Variants in ZNRF2 observed in about 807,000 individuals in gnomAD.
The protein encoded by ZNRF2 is zinc and ring finger 2.
ZNRF2 carries 16 observed loss-of-function variants against 20.4 expected under a neutral mutation model. That is an observed-to-expected ratio of 0.79 (90% CI 0.53 to 1.19). The LOEUF is 1.19. Ranked by LOEUF, ZNRF2 falls within the 50% of genes most tolerant of loss-of-function variation. The probability of loss-of-function intolerance (pLI) is 0.00; values close to 1 mark genes in which losing one functional copy is unlikely to be tolerated. For missense variants in ZNRF2, 363 were observed against 332.4 expected (o/e 1.09, Z -0.72); for synonymous variants, 178 against 144.9 (o/e 1.23, Z -1.64).
chr7:30,351,448 T>C (rs762098244), intron 2 of ZNRF2, among the ~76,000 whole-genome samples: 1 of 152,006 alleles, frequency 6.6e-6, no homozygotes, highest in Non-Finnish European at 1.5e-5. Flanking sequence ...AAGCAGTTAA[T>C]TGTAAGGTCG....
intron 1 of ZNRF2, among the ~76,000 whole-genome samples, chr7:30,296,306 C>T (rs1799019602): frequency 1.3e-5 from 2 of 152,064 alleles, no homozygotes; most frequent in Admixed American, 6.5e-5. Flanking sequence ...TTATACTGTG[C>T]TTATAGCTCT....
chr7:30,297,035 T>C (rs1799031255), intron 1 of ZNRF2, among the ~76,000 whole-genome samples: 1 of 152,204 alleles, frequency 6.6e-6, no homozygotes, highest in African/African-American at 2.4e-5. Flanking sequence ...AGAATCTAAT[T>C]AGCTTTTAAT....
At chr7:30,306,293 A>G (rs1296702115) in intron 1 of ZNRF2, among the ~76,000 whole-genome samples, 1 of 152,170 alleles carries the variant, frequency 6.6e-6, no homozygotes, top group Non-Finnish European at 1.5e-5. Context: ...AAACAAAGTC[A>G]GGAAGAATAA....
At chr7:30,306,147 G>C (rs1799200903) in intron 1 of ZNRF2, among the ~76,000 whole-genome samples, 1 of 152,174 alleles carries the variant, frequency 6.6e-6, no homozygotes, top group Admixed American at 6.5e-5. Context: ...GGCTTAAAGT[G>C]CTCTGCAAAT....
intron 3 of ZNRF2, among the ~76,000 whole-genome samples, chr7:30,361,466 CATAT>C (rs1800125724): frequency 6.6e-6 from 1 of 152,182 alleles, no homozygotes; most frequent in Non-Finnish European, 1.5e-5. Flanking sequence ...AGCTTTGCGG[CATAT>C]GCAAATTTGA....
intron 1 of ZNRF2, among the ~76,000 whole-genome samples, chr7:30,293,734 G>C (rs1269106102): frequency 2.2e-4 from 33 of 152,170 alleles, no homozygotes; most frequent in Non-Finnish European, 2.9e-5. Context: ...TATAAGTGCA[G>C]ATTGGTGGAT....
intron 1 of ZNRF2, among the ~76,000 whole-genome samples, chr7:30,305,994 TG>T (rs1414534506): frequency 1.3e-5 from 2 of 152,192 alleles, no homozygotes; most frequent in Admixed American, 6.5e-5. Flanking sequence ...GATCTGTAGC[TG>T]GGCCTTTGGG....
chr7:30,294,613 T>C (rs1057168564), intron 1 of ZNRF2, among the ~76,000 whole-genome samples: 5 of 151,916 alleles, frequency 3.3e-5, no homozygotes, highest in Non-Finnish European at 5.9e-5. Flanking sequence ...TGAAACCCCA[T>C]CTCTACTAAA....
chr7:30,335,736 CTG>C (rs923559838), intron 2 of ZNRF2, among the ~76,000 whole-genome samples: 7 of 152,032 alleles, frequency 4.6e-5, no homozygotes, highest in Non-Finnish European at 8.8e-5. Flanking sequence ...TAAATTATAG[CTG>C]TGTGATGAAA....
chr7:30,309,933 G>T (rs1799266917), intron 1 of ZNRF2, among the ~76,000 whole-genome samples: 1 of 152,148 alleles, frequency 6.6e-6, no homozygotes, highest in Non-Finnish European at 1.5e-5. Context: ...ATAAAAAGTT[G>T]GTATTTGTTT....
At chr7:30,365,268 C>T (rs1379740152) in intron 4 of ZNRF2, among the ~76,000 whole-genome samples, 1 of 146,642 alleles carries the variant, frequency 6.8e-6, no homozygotes, top group East Asian at 2.2e-4. Context: ...GTGGAGCATA[C>T]ATCTCATCTC....
At chr7:30,307,326 G>GTTTTT (rs78007797) in intron 1 of ZNRF2, among the ~76,000 whole-genome samples, 38 of 43,236 alleles carry the variant, frequency 8.8e-4, no homozygotes, top group East Asian at 1.9e-3. Flanking sequence ...GTTTTTTTTT[G>GTTTTT]TTTTTTTTTT....
At chr7:30,318,344 T>G (rs1799409926) in intron 1 of ZNRF2, among the ~76,000 whole-genome samples, 1 of 152,188 alleles carries the variant, frequency 6.6e-6, no homozygotes, top group Admixed American at 6.5e-5. Flanking sequence ...TCTGGGTGAT[T>G]TTTGCTGGTG....
At chr7:30,323,435 G>A (rs1420609374) in intron 1 of ZNRF2, among the ~76,000 whole-genome samples, 1 of 152,304 alleles carries the variant, frequency 6.6e-6, no homozygotes, top group South Asian at 2.1e-4. Context: ...AACTTGTTTT[G>A]TTTGATGAGG....
Position 30,353,979 on chromosome 7 carries a change from C to G in ZNRF2, c.566-1749C>G, listed in dbSNP as rs115754628. On this transcript the variant is annotated intron_variant, in intron 2 of 4. Transcript: ENST00000323037. ...GGTTTTTTTAGTGTCTCCTTTAGAT[C>G]CTTTTTCTTTTTGTTCTCACTGCTA... Among the ~76,000 whole-genome samples, 353 of 152,090 alleles carry G rather than the reference C, an allele frequency of 2.3e-3. 1 individual carries two copies. Among genetic ancestry groups the G allele is most frequent in the African/African-American group, 8.0e-3 (334 of 41,510 alleles).
intron 2 of ZNRF2, among the ~76,000 whole-genome samples, chr7:30,327,200 C>A (rs926482199): frequency 6.6e-6 from 1 of 152,150 alleles, no homozygotes; most frequent in African/African-American, 2.4e-5. Flanking sequence ...GTCATGAAAT[C>A]TTTGCCTGTT....
chr7:30,331,254 T>G (rs148836322), intron 2 of ZNRF2, among the ~76,000 whole-genome samples: 1 of 152,110 alleles, frequency 6.6e-6, no homozygotes, highest in Non-Finnish European at 1.5e-5. Context: ...TAAGCAGATA[T>G]GAGAATTATT....
intron 2 of ZNRF2, among the ~76,000 whole-genome samples, chr7:30,348,310 C>T (rs1206832792): frequency 6.6e-6 from 1 of 152,008 alleles, no homozygotes; most frequent in African/African-American, 2.4e-5. Flanking sequence ...TCACTTGTTG[C>T]TTGGTGTTTT....
intron 1 of ZNRF2, among the ~76,000 whole-genome samples, chr7:30,305,889 A>G (rs1332028882): frequency 1.3e-5 from 2 of 152,134 alleles, no homozygotes; most frequent in Admixed American, 1.3e-4. Context: ...TGTTTCTAGC[A>G]CTTATGGCAA....
Sources: gnomAD v4.1 joint callset for allele counts (sites outside exome capture counted in the v4.1 genomes callset) on GRCh38, gnomAD v4.1.1 for gene constraint, MANE v1.5 for transcripts, NCBI Gene and HGNC (gene_info 2026-07-23, HGNC 2026-07-21) for gene names.